The following EPHA6 variants were observed in gnomAD, a reference collection of about 807,000 sequenced individuals.
EPHA6 encodes ephrin type-A receptor 6.
EPHA6 carries 50 observed loss-of-function variants against 112.0 expected under a neutral mutation model. That is an observed-to-expected ratio of 0.45 (90% CI 0.36 to 0.56). The LOEUF is 0.56. Ranked by LOEUF, EPHA6 falls within the 20% of genes least tolerant of loss-of-function variation. The pLI is 0.00. For missense variants in EPHA6, 1,280 were observed against 1,417.4 expected (o/e 0.90, Z 1.56); for synonymous variants, 529 against 490.7 (o/e 1.08, Z -1.03).
At chr3:96,954,696 C>A (rs1576158993) in intron 2 of EPHA6, among the ~76,000 whole-genome samples, 1 of 150,076 alleles carries the variant, frequency 6.7e-6, no homozygotes, top group Non-Finnish European at 1.5e-5. Context: ...TTTAAAAATC[C>A]TTTTCTTTCC....
chr3:97,243,926 T>C, intron 4 of EPHA6, 26 bp from the exon 5 acceptor site: 1 of 1,534,936 alleles, frequency 6.5e-7, no homozygotes, highest in South Asian at 1.2e-5. Flanking sequence ...TATATGTACA[T>C]TTGTTTTTTA....
chr3:97,343,546 T>C (rs1363808286), intron 5 of EPHA6, among the ~76,000 whole-genome samples: 2 of 152,164 alleles, frequency 1.3e-5, no homozygotes, highest in Non-Finnish European at 2.9e-5. Flanking sequence ...ACTAAGGGTA[T>C]GGCAAACCAA....
chr3:97,450,567 CT>C (rs1238419384), intron 7 of EPHA6, among the ~76,000 whole-genome samples: 1 of 151,932 alleles, frequency 6.6e-6, no homozygotes, highest in African/African-American at 2.4e-5. Context: ...AACAAAAATT[CT>C]GATTTAAATA....
chr3:97,347,584 T>C (rs187566089), intron 5 of EPHA6, among the ~76,000 whole-genome samples: 527 of 152,182 alleles, frequency 3.5e-3, no homozygotes, highest in African/African-American at 0.012. Context: ...TGAACATGAA[T>C]TTGAGGCTAT....
chr3:97,288,924 A>ATTTTTTTT (rs374397667), intron 5 of EPHA6, among the ~76,000 whole-genome samples: 3 of 111,274 alleles, frequency 2.7e-5, no homozygotes, highest in Non-Finnish European at 5.3e-5. Flanking sequence ...TTTAATGGGG[A>ATTTTTTTT]TTTTTTTTTT....
intron 10 of EPHA6, among the ~76,000 whole-genome samples, chr3:97,510,622 G>T (rs952634428): frequency 6.6e-6 from 1 of 152,130 alleles, no homozygotes; most frequent in African/African-American, 2.4e-5. Flanking sequence ...GGTGTCTGTT[G>T]ACACCTCCTG....
intron 17 of EPHA6, 93 bp downstream of exon 17, chr3:97,747,665 T>C: frequency 1.7e-6 from 2 of 1,168,468 alleles, no homozygotes; most frequent in Non-Finnish European, 2.2e-6. Context: ...CTTAGGCTAG[T>C]GGGTAATTTC....
At position 97,611,926 on chromosome 3, in the gene EPHA6, C is replaced by T. The variant is rs559104497; in HGVS notation, c.2574+1072C>T. Among the ~76,000 whole-genome samples the T allele has an allele frequency of 3.4e-4, 51 of 151,936 alleles. No individual in the cohort carries two copies. The South Asian group carries it at 0.01, about 30-fold the overall frequency. ...TTCTTCCAACTGCTCTGAATGCTAG[C>T]AGTGATGATATATTTATACTCTGAC... On this transcript the variant is annotated intron_variant, in intron 13 of 17. Transcript: ENST00000389672.
intron 6 of EPHA6, 98 bp downstream of exon 6, chr3:97,405,372 C>T: frequency 1.8e-6 from 2 of 1,124,246 alleles, no homozygotes; most frequent in Non-Finnish European, 2.5e-6. Flanking sequence ...ATTTTAAACC[C>T]TGTTCTTCTT....
At chr3:96,995,230 G>A (rs1240437504) in intron 3 of EPHA6, among the ~76,000 whole-genome samples, 3 of 152,042 alleles carry the variant, frequency 2.0e-5, no homozygotes, top group East Asian at 1.9e-4. Flanking sequence ...AGATGACTGT[G>A]CAAGCAGAGA....
At chr3:97,708,598 AAG>A (rs1293239697) in intron 14 of EPHA6, among the ~76,000 whole-genome samples, 7 of 152,238 alleles carry the variant, frequency 4.6e-5, no homozygotes, top group African/African-American at 1.7e-4. Flanking sequence ...TGCTTAAGTA[AAG>A]AGAGGTCAAA....
At chr3:97,397,885 T>C (rs974349946) in intron 5 of EPHA6, among the ~76,000 whole-genome samples, 2 of 151,536 alleles carry the variant, frequency 1.3e-5, no homozygotes, top group Non-Finnish European at 1.5e-5. Context: ...TTATGTACAC[T>C]TCATAACTAT....
At chr3:97,475,521 G>T in intron 8 of EPHA6, 61 bp downstream of exon 8, 3 of 1,213,946 alleles carry the variant, frequency 2.5e-6, no homozygotes, top group South Asian at 1.3e-5. Flanking sequence ...TTTATACATT[G>T]TGTATTCAAA....
At chr3:97,008,568 C>G (rs1357782193) in intron 3 of EPHA6, among the ~76,000 whole-genome samples, 1 of 152,112 alleles carries the variant, frequency 6.6e-6, no homozygotes, top group African/African-American at 2.4e-5. Flanking sequence ...TCTTTTAGCT[C>G]ATCATAGTTT....
At chr3:97,546,085 G>A in intron 11 of EPHA6, among the ~76,000 whole-genome samples, 1 of 152,172 alleles carries the variant, frequency 6.6e-6, no homozygotes, top group Non-Finnish European at 1.5e-5. Context: ...ATATTGTTAT[G>A]TGTGAATTTG....
At chr3:96,858,535 GA>G (rs2035827206) in intron 1 of EPHA6, among the ~76,000 whole-genome samples, 1 of 152,074 alleles carries the variant, frequency 6.6e-6, no homozygotes, top group Non-Finnish European at 1.5e-5. Context: ...GGTATGCCAT[GA>G]AAAAGTCCCA....
intron 3 of EPHA6, among the ~76,000 whole-genome samples, chr3:97,134,028 T>G (rs1484218083): frequency 2.0e-5 from 3 of 151,974 alleles, no homozygotes. Context: ...ACTGTTTGTT[T>G]TCATGAAATT....
At chr3:96,931,427 C>G (rs916509111) in intron 2 of EPHA6, among the ~76,000 whole-genome samples, 3 of 152,204 alleles carry the variant, frequency 2.0e-5, no homozygotes, top group African/African-American at 7.2e-5. Flanking sequence ...TCACCTCCCC[C>G]CAGGGACTCC....
At chr3:97,116,921 A>G (rs1048263108) in intron 3 of EPHA6, among the ~76,000 whole-genome samples, 6 of 151,612 alleles carry the variant, frequency 4.0e-5, no homozygotes, top group Non-Finnish European at 5.9e-5. Flanking sequence ...ACCATTTTTC[A>G]TAATTATTTA....
Sources: gnomAD v4.1 joint callset for allele counts (sites outside exome capture counted in the v4.1 genomes callset) on GRCh38, gnomAD v4.1.1 for gene constraint, MANE v1.5 for transcripts, NCBI Gene and HGNC (gene_info 2026-07-23, HGNC 2026-07-21) for gene names.